The following MBD5 variants were observed in gnomAD, a reference collection of about 807,000 sequenced individuals.
The protein encoded by MBD5 is methyl-CpG-binding domain protein 5.
Under a neutral mutation model 117.3 loss-of-function variants are expected in MBD5, and 13 were observed. The observed-to-expected ratio is 0.11, with a 90% confidence interval of 0.07 to 0.18. The LOEUF is 0.18. Ranked by LOEUF, MBD5 falls within the 10% of genes least tolerant of loss-of-function variation. MBD5 has a pLI of 1.00. For synonymous variants in MBD5, 727 were observed against 766.4 expected, an observed-to-expected ratio of 0.95 and a Z score of 0.85; for missense variants, 1,879 against 2,093.8, an observed-to-expected ratio of 0.90 and a Z score of 2.00.
At position 148,470,411 on chromosome 2, in the gene MBD5, T is replaced by C. The variant is rs1329428125; in HGVS notation, c.2468T>C (p.Val823Ala). The change falls in exon 8 of 14, where the codon GTG becomes GCG. Residue 823 changes from valine to alanine, a missense_variant. This residue lies in a region of MBD5 where 1,666 missense variants were observed against 1,792.2 expected (regional missense o/e 0.93). Transcript: ENST00000642680. ...QSRISTSSTPVIPNSIVSSYN... is the reference protein window; with the variant it reads ...QSRISTSSTPAIPNSIVSSYN... The stretch of plus-strand genomic sequence containing the variant: ...AGAATTTCAACGTCCTCCACTCCAG[T>C]GATACCAAACAGCATTGTTAGCAGC... 1 of 1,612,672 alleles carries C rather than the reference T, an allele frequency of 6.2e-7. No individual in the cohort carries two copies. Among genetic ancestry groups the C allele is most frequent in the Non-Finnish European group, 8.5e-7 (1 of 1,179,074 alleles).
At chr2:148,152,776 G>C (rs1347570764) in intron 1 of MBD5, among the ~76,000 whole-genome samples, 1 of 149,976 alleles carries the variant, frequency 6.7e-6, no homozygotes, top group Non-Finnish European at 1.5e-5. Context: ...GCCTTTTTTT[G>C]TTTTCCATTT....
chr2:148,076,180 TTTG>T (rs138392518), intron 1 of MBD5, among the ~76,000 whole-genome samples: 83,565 of 151,294 alleles, frequency 0.55, 23,176 homozygotes, highest in Middle Eastern at 0.69. Flanking sequence ...GTCGTCGTTT[TTTG>T]TTGTTGTTGT....
At chr2:148,224,643 G>C (rs1174603236) in intron 2 of MBD5, among the ~76,000 whole-genome samples, 1 of 149,994 alleles carries the variant, frequency 6.7e-6, no homozygotes, top group East Asian at 2.0e-4. Flanking sequence ...TTACAGGCGT[G>C]AGCCACCACA....
chr2:148,453,611 G>A (rs904952172), intron 4 of MBD5, among the ~76,000 whole-genome samples: 25 of 152,036 alleles, frequency 1.6e-4, no homozygotes, highest in Non-Finnish European at 3.5e-4. Context: ...ATATAAACAA[G>A]GTGGGTCTTT....
chr2:148,493,480 G>C, intron 11 of MBD5, among the ~76,000 whole-genome samples: 1 of 152,192 alleles, frequency 6.6e-6, no homozygotes, highest in East Asian at 1.9e-4. Flanking sequence ...AGAAAATAAA[G>C]ATAATTAATT....
intron 1 of MBD5, among the ~76,000 whole-genome samples, chr2:148,031,827 AT>A (rs1694048111): frequency 6.6e-6 from 1 of 152,070 alleles, no homozygotes; most frequent in Admixed American, 6.5e-5. Flanking sequence ...TCACAAATAA[AT>A]TTTTTACCCA....
chr2:148,512,103 T>G (rs1346126339), intron 13 of MBD5: 1 of 152,722 alleles, frequency 6.5e-6, no homozygotes, highest in Non-Finnish European at 1.5e-5. Flanking sequence ...CCTCCTCTCC[T>G]AGGTCTTGGA....
intron 3 of MBD5, among the ~76,000 whole-genome samples, chr2:148,247,190 A>T (rs549293830): frequency 6.6e-6 from 1 of 152,250 alleles, no homozygotes; most frequent in South Asian, 2.1e-4. Flanking sequence ...CATGGTTGGT[A>T]TAAATATTAC....
intron 2 of MBD5, among the ~76,000 whole-genome samples, chr2:148,232,057 A>G (rs1386054136): frequency 6.6e-6 from 1 of 152,222 alleles, no homozygotes; most frequent in Non-Finnish European, 1.5e-5. Context: ...TGTTTTAGTC[A>G]GTGGGAACAG....
intron 1 of MBD5, among the ~76,000 whole-genome samples, chr2:148,035,854 A>G (rs1215788225): frequency 1.3e-5 from 2 of 152,126 alleles, no homozygotes; most frequent in African/African-American, 2.4e-5. Context: ...TTTAGATATA[A>G]TCAATGCTTT....
Position 148,470,331 on chromosome 2 carries a change from C to CA in MBD5, c.2389dup (p.Ser797LysfsTer34). The CA allele has an allele frequency of 6.2e-7, 1 of 1,613,918 alleles. No homozygotes were observed. The highest frequency in any genetic ancestry group is 8.5e-7 in the Non-Finnish European group (1 of 1,179,888). On this transcript the variant is annotated frameshift_variant, in exon 8 of 14. Transcript: ENST00000642680. LOFTEE classifies it high-confidence loss of function. The stretch of plus-strand genomic sequence containing the variant: ...AGGCTAGCGGGAACTGTGGGATGCT[C>CA]AGTCAGTCGGGCATGGCTTTAGGAA...
rs188448486 is a variant in MBD5, at chr2:148,056,954, T to G, written c.-925+35270T>G. ...CTCAGTTTATTCTTTAGATAATACA[T>G]TGTATTTTTCTACGAATTCATCTAA... On this transcript the variant is annotated intron_variant, in intron 1 of 13. Transcript: ENST00000642680. Among the ~76,000 whole-genome samples, 17 of 152,026 alleles carry G rather than the reference T, an allele frequency of 1.1e-4. No individual in the cohort carries two copies. The East Asian group carries it at 3.3e-3, about 29-fold the overall frequency.
At chr2:148,354,584 A>G (rs1703327659) in intron 4 of MBD5, among the ~76,000 whole-genome samples, 1 of 152,196 alleles carries the variant, frequency 6.6e-6, no homozygotes, top group Non-Finnish European at 1.5e-5. Flanking sequence ...ATACATGTAC[A>G]TGTGTCTTTA....
chr2:148,144,024 C>T (rs1018731403), intron 1 of MBD5, among the ~76,000 whole-genome samples: 6 of 152,210 alleles, frequency 3.9e-5, no homozygotes, highest in Admixed American at 3.3e-4. Flanking sequence ...TGAGGAATCG[C>T]TACACTGTCT....
chr2:148,274,725 G>GTTTTTTTTT (rs34560513), intron 3 of MBD5, among the ~76,000 whole-genome samples: 1 of 143,890 alleles, frequency 6.9e-6, no homozygotes, highest in Non-Finnish European at 1.5e-5. Context: ...GAGTTTTTTT[G>GTTTTTTTTT]TTTTTTTTTT....
rs970951058 is a variant in MBD5, at chr2:148,372,283, A to G, written c.-557+29947A>G. 2.0e-5 allele frequency among the ~76,000 whole-genome samples: 3 copies of G among 152,122 alleles called. No individual in the cohort carries two copies. The East Asian group carries it at 5.8e-4, about 29-fold the overall frequency. ...TATGCTAAGTGTTAACAACAAATAC[A>G]ATCTTATCATCTACATTAGAGATCT... On this transcript the variant is annotated intron_variant, in intron 4 of 13. Transcript: ENST00000642680.
chr2:148,057,482 G>A (rs1158412480), intron 1 of MBD5, among the ~76,000 whole-genome samples: 1 of 151,134 alleles, frequency 6.6e-6, no homozygotes, highest in Non-Finnish European at 1.5e-5. Flanking sequence ...GAGTTTTTTA[G>A]AAGTGTTTTT....
chr2:148,348,850 T>C (rs1703183578), intron 4 of MBD5, among the ~76,000 whole-genome samples: 1 of 151,912 alleles, frequency 6.6e-6, no homozygotes, highest in Non-Finnish European at 1.5e-5. Flanking sequence ...TTGCTCACAG[T>C]TCAGAACTGG....
At chr2:148,396,600 C>T (rs989658779) in intron 4 of MBD5, among the ~76,000 whole-genome samples, 3 of 152,178 alleles carry the variant, frequency 2.0e-5, no homozygotes, top group African/African-American at 7.2e-5. Flanking sequence ...ACATTTCCAA[C>T]CTAGACTTAT....
Sources: gnomAD v4.1 joint callset for allele counts (sites outside exome capture counted in the v4.1 genomes callset) on GRCh38, gnomAD v4.1.1 for gene constraint, gnomAD v4.1.1 regional missense constraint, MANE v1.5 for transcripts, NCBI Gene and HGNC (gene_info 2026-07-23, HGNC 2026-07-21) for gene names.